Variants in FRMD4B observed in about 807,000 individuals in gnomAD.
FRMD4B encodes the protein FERM domain containing 4B, also known as FERM domain-containing protein 4B.
A neutral mutation model predicts 141.5 loss-of-function variants in FRMD4B; 74 were observed. The observed-to-expected ratio is 0.52, with a 90% CI of 0.43 to 0.63. FRMD4B has a LOEUF of 0.63. FRMD4B is among the 30% of genes least tolerant of loss of function. The pLI is 0.00. For synonymous variants in FRMD4B, 506 were observed against 467.9 expected, an observed-to-expected ratio of 1.08 and a Z score of -1.05; for missense variants, 1,366 against 1,253.4, an observed-to-expected ratio of 1.09 and a Z score of -1.36.
At chr3:69,485,061 C>T (rs1706191646) in intron 1 of FRMD4B, among the ~76,000 whole-genome samples, 1 of 152,182 alleles carries the variant, frequency 6.6e-6, no homozygotes, top group Non-Finnish European at 1.5e-5. Context: ...CAAGGTGCAC[C>T]TGCAGGCCAG....
chr3:69,301,674 A>G (rs375335556), intron 4 of FRMD4B, among the ~76,000 whole-genome samples: 16 of 152,116 alleles, frequency 1.1e-4, no homozygotes, highest in African/African-American at 2.2e-4. Flanking sequence ...AATGTGAACT[A>G]AAAAAAATAG....
intron 22 of FRMD4B, 29 bp from the exon 23 acceptor site, chr3:69,172,010 C>G (rs368186652): frequency 1.9e-6 from 3 of 1,609,894 alleles, no homozygotes; most frequent in African/African-American, 1.3e-5. Flanking sequence ...AAAGTTACTA[C>G]TTGTGGCCAT....
rs1295680211 is a variant in FRMD4B at position 69,354,098 on chromosome 3, C to G, written c.162+31730G>C. Among the ~76,000 whole-genome samples, 3 of 152,150 alleles carry G rather than the reference C, an allele frequency of 2.0e-5. No individual in the cohort carries two copies. In the East Asian group the frequency reaches 5.8e-4, roughly 29 times the overall value. On this transcript the variant is annotated intron_variant, in intron 1 of 22. Coordinates refer to ENST00000398540, the MANE Select transcript of FRMD4B (RefSeq NM_015123.3). ...ACTCACAGCCAGTTGATGTTAACAG[C>G]TTTTCCACTCAGAAAGAAACTTAGA...
chr3:69,249,214 GA>G lies in FRMD4B; in HGVS notation c.581+11del. The G allele has an allele frequency of 6.5e-7, 1 of 1,543,784 alleles. No individual in the cohort carries two copies. Among genetic ancestry groups the G allele is most frequent in the Non-Finnish European group, 8.9e-7 (1 of 1,122,880 alleles). On this transcript the variant is annotated intron_variant, in intron 7 of 22. Coordinates refer to ENST00000398540, the MANE Select transcript of FRMD4B (RefSeq NM_015123.3). ...TATTTTGCATAGTAATATCAGAAAA[GA>G]AAAGCATTACCTGGTATAATCTCCC...
At chr3:69,492,583 T>C (rs1431140281) in intron 1 of FRMD4B, among the ~76,000 whole-genome samples, 2 of 152,222 alleles carry the variant, frequency 1.3e-5, no homozygotes, top group Non-Finnish European at 2.9e-5. Context: ...GACCTTGCTA[T>C]GTGCATAAAT....
chr3:69,365,101 T>C (rs1703599883), intron 1 of FRMD4B, among the ~76,000 whole-genome samples: 2 of 152,230 alleles, frequency 1.3e-5, no homozygotes, highest in Non-Finnish European at 2.9e-5. Flanking sequence ...TGAACATCTA[T>C]CTTTATGGCA....
chr3:69,313,273 C>T (rs913609153), intron 2 of FRMD4B, among the ~76,000 whole-genome samples, 179 bp downstream of exon 2: 2 of 152,222 alleles, frequency 1.3e-5, no homozygotes, highest in Admixed American at 6.5e-5. Context: ...TTTCTGACTT[C>T]GAAGATGTTT....
chr3:69,377,098 G>C (rs188113327), intron 1 of FRMD4B: 30 of 152,260 alleles, frequency 2.0e-4, no homozygotes, highest in Non-Finnish European at 1.6e-4. Flanking sequence ...GTTTCTTTTA[G>C]AAATTTCTGT....
At chr3:69,435,986 A>G (rs1705253694) in intron 1 of FRMD4B, among the ~76,000 whole-genome samples, 1 of 152,228 alleles carries the variant, frequency 6.6e-6, no homozygotes, top group Non-Finnish European at 1.5e-5. Flanking sequence ...ATATCTTTAG[A>G]TAACAGAATC....
chr3:69,351,951 G>A (rs1703163781), intron 1 of FRMD4B, among the ~76,000 whole-genome samples: 1 of 152,210 alleles, frequency 6.6e-6, no homozygotes, highest in South Asian at 2.1e-4. Context: ...CCTCCTGATA[G>A]TTACTGGGAA....
intron 1 of FRMD4B, among the ~76,000 whole-genome samples, chr3:69,478,162 G>C (rs988145926): frequency 2.6e-5 from 4 of 152,054 alleles, no homozygotes; most frequent in African/African-American, 9.7e-5. Flanking sequence ...CCAGCTCCTG[G>C]ATTTATTGAT....
At chr3:69,233,482 C>CA (rs747234977) in intron 7 of FRMD4B, among the ~76,000 whole-genome samples, 996 of 75,842 alleles carry the variant, frequency 0.013, 8 homozygotes, top group Middle Eastern at 0.037. Flanking sequence ...GACCCTGTCT[C>CA]AAAAAAAAAA....
At chr3:69,470,927 A>C (rs1408946497) in intron 1 of FRMD4B, among the ~76,000 whole-genome samples, 1 of 152,224 alleles carries the variant, frequency 6.6e-6, no homozygotes, top group Non-Finnish European at 1.5e-5. Context: ...GACAGGCTTG[A>C]AACAATAGAA....
chr3:69,311,568 A>G (rs1701589687), intron 2 of FRMD4B, among the ~76,000 whole-genome samples: 1 of 152,180 alleles, frequency 6.6e-6, no homozygotes, highest in Non-Finnish European at 1.5e-5. Flanking sequence ...TATCAATGAG[A>G]CTATCATTTT....
intron 7 of FRMD4B, among the ~76,000 whole-genome samples, chr3:69,229,323 G>A (rs952375652): frequency 6.6e-6 from 1 of 152,072 alleles, no homozygotes; most frequent in African/African-American, 2.4e-5. Flanking sequence ...ACCATGGCCA[G>A]CCCCCCAAAA....
chr3:69,191,333 T>C (rs4493438), intron 17 of FRMD4B, among the ~76,000 whole-genome samples: 124,887 of 152,082 alleles, frequency 0.82, 55,020 homozygotes, highest in Non-Finnish European at 0.99. Flanking sequence ...GGCAGGAGAA[T>C]TGCTTGAACC....
At chr3:69,391,350 T>TAA (rs755453897) in intron 2 of FRMD4B, among the ~76,000 whole-genome samples, 14 of 151,816 alleles carry the variant, frequency 9.2e-5, no homozygotes, top group Admixed American at 2.6e-4. Flanking sequence ...TTGCACCCAT[T>TAA]AACTTGTCCT....
chr3:69,460,712 T>C (rs934553043), intron 1 of FRMD4B, among the ~76,000 whole-genome samples: 3 of 152,170 alleles, frequency 2.0e-5, no homozygotes, highest in Admixed American at 1.3e-4. Context: ...TGGAAACAAA[T>C]GGGTGTGTCT....
At chr3:69,304,511 C>T (rs1252065844) in intron 3 of FRMD4B, among the ~76,000 whole-genome samples, 1 of 145,764 alleles carries the variant, frequency 6.9e-6, no homozygotes, top group Non-Finnish European at 1.5e-5. Flanking sequence ...AAAAACAGTA[C>T]AGGGCTGAAT....
Sources: gnomAD v4.1 joint callset for allele counts (sites outside exome capture counted in the v4.1 genomes callset) on GRCh38, gnomAD v4.1.1 for gene constraint, MANE v1.5 for transcripts, NCBI Gene and HGNC (gene_info 2026-07-23, HGNC 2026-07-21) for gene names.